The following KIAA1328 variants were observed in gnomAD, a reference collection of about 807,000 sequenced individuals.
The protein encoded by KIAA1328 is KIAA1328.
Under a neutral mutation model 68.1 loss-of-function variants are expected in KIAA1328, and 52 were observed. The observed-to-expected ratio is 0.76, with a 90% CI of 0.61 to 0.96. KIAA1328 has a LOEUF of 0.96. Ranked by LOEUF, KIAA1328 falls within the 40% of genes least tolerant of loss-of-function variation. The pLI, the probability that KIAA1328 is intolerant of heterozygous loss-of-function variation, is 0.00. For missense variants in KIAA1328, 641 were observed against 677.6 expected, an observed-to-expected ratio of 0.95 and a Z score of 0.60; for synonymous variants, 232 against 239.4, an observed-to-expected ratio of 0.97 and a Z score of 0.28.
rs558485321 is a variant in KIAA1328, at chr18:37,126,482, A to T, written c.1233-33718A>T. 2.0e-5 allele frequency among the ~76,000 whole-genome samples: 3 copies of T among 152,238 alleles called. No homozygotes were observed. In the East Asian group the frequency reaches 5.8e-4, roughly 29 times the overall value. On this transcript the variant is annotated intron_variant, in intron 7 of 9. Coordinates refer to ENST00000280020, the MANE Select transcript of KIAA1328 (RefSeq NM_020776.3). Reference sequence around the variant, plus strand: ...TTTAAAAAACCTTCCCCCAAAGAAAACTTAGGTCCTAGAAGGCTTAGGTCC... The same window carrying T: ...TTTAAAAAACCTTCCCCCAAAGAAATCTTAGGTCCTAGAAGGCTTAGGTCC...
At chr18:37,165,509 T>A (rs978616784) in intron 8 of KIAA1328, among the ~76,000 whole-genome samples, 7 of 151,430 alleles carry the variant, frequency 4.6e-5, no homozygotes, top group Non-Finnish European at 8.8e-5. Context: ...AGCCTCCACC[T>A]CCTAGGTTCA....
intron 1 of KIAA1328, among the ~76,000 whole-genome samples, chr18:36,832,473 C>T (rs1301310659): frequency 2.0e-5 from 3 of 151,314 alleles, no homozygotes; most frequent in African/African-American, 7.3e-5. Flanking sequence ...CCTGTAATCC[C>T]AGCTACTCGG....
At chr18:37,225,728 G>T (rs1369246823), downstream of KIAA1328, among the ~76,000 whole-genome samples, 1 of 152,198 alleles carries the variant, frequency 6.6e-6, no homozygotes, top group Non-Finnish European at 1.5e-5. Flanking sequence ...AAGAATGTAT[G>T]TGAGGGCTTC....
chr18:37,021,365 G>T (rs1168501386), intron 6 of KIAA1328, among the ~76,000 whole-genome samples: 1 of 152,086 alleles, frequency 6.6e-6, no homozygotes, highest in Non-Finnish European at 1.5e-5. Context: ...ACATTATTCT[G>T]TTCGATATTA....
rs965420460 is a variant in KIAA1328 at position 37,182,507 on chromosome 18, C to T, written c.1523+9426C>T. ...TAAGTAGGATAGTTTATGTAAAGTA[C>T]GTAGCACAGGCCTGGTGCATGGCTA... On this transcript the variant is annotated intron_variant, in intron 9 of 9. Coordinates refer to ENST00000280020, the MANE Select transcript of KIAA1328 (RefSeq NM_020776.3). Among the ~76,000 whole-genome samples the T allele has an allele frequency of 6.6e-5, 10 of 152,052 alleles. No individual in the cohort carries two copies. The South Asian group carries it at 1.2e-3, about 19-fold the overall frequency.
chr18:37,057,483 G>A (rs962193666), intron 6 of KIAA1328, among the ~76,000 whole-genome samples: 13 of 150,232 alleles, frequency 8.7e-5, no homozygotes, highest in South Asian at 2.1e-4. Flanking sequence ...GTTGGAGTGC[G>A]GTGGCGCGAT....
chr18:36,836,900 G>T (rs967671622), intron 3 of KIAA1328, among the ~76,000 whole-genome samples: 1 of 152,030 alleles, frequency 6.6e-6, no homozygotes. Context: ...GTGGCCTTTT[G>T]TGACTGGCTT....
At chr18:36,978,468 G>A (rs1489936048) in intron 6 of KIAA1328, among the ~76,000 whole-genome samples, 1 of 152,240 alleles carries the variant, frequency 6.6e-6, no homozygotes. Context: ...GGCCAACTGT[G>A]TAAGCAGGAC....
Position 37,222,069 on chromosome 18 carries a change from C to T in KIAA1328, c.1576C>T (p.Pro526Ser). Residue 526 changes from proline (P) to serine (S), a missense_variant, in exon 10 of 10, where the codon CCC becomes TCC. Transcript: ENST00000280020. The part of the protein sequence containing the change: ...LVQSLSPNSA[P>S]KPQRYPSREA... ...TCAGTCTCTGAGCCCAAACTCTGCG[C>T]CCAAACCTCAGCGCTATCCCTCCAG... is the stretch of plus-strand genomic sequence containing the variant. The T allele has an allele frequency of 6.2e-7, 1 of 1,613,680 alleles. No individual in the cohort carries two copies. Among genetic ancestry groups the T allele is most frequent in the Non-Finnish European group, 8.5e-7 (1 of 1,179,768 alleles).
At chr18:36,857,026 T>C (rs1453465163) in intron 4 of KIAA1328, among the ~76,000 whole-genome samples, 1 of 152,178 alleles carries the variant, frequency 6.6e-6, no homozygotes, top group Non-Finnish European at 1.5e-5. Context: ...TTGGCTCTAA[T>C]CTGATGTATT....
chr18:37,084,597 G>C lies in KIAA1328; in HGVS notation c.1232+17052G>C, dbSNP rs1391071115. ...ATTTTCTGATCTTATTAAATACTCTGTGAAAACATTAATTCATTCAACAAA... is the reference window on the plus strand; with the variant it reads ...ATTTTCTGATCTTATTAAATACTCTCTGAAAACATTAATTCATTCAACAAA... On this transcript the variant is annotated intron_variant, in intron 7 of 9. Coordinates refer to ENST00000280020, the MANE Select transcript of KIAA1328 (RefSeq NM_020776.3). Among the ~76,000 whole-genome samples the C allele has an allele frequency of 2.6e-4, 22 of 85,864 alleles. No homozygotes were observed. The African/African-American group carries it at 3.0e-3, about 12-fold the overall frequency. 56.3% of individuals were successfully genotyped at this position (85,864 alleles called of 152,430 possible). A position where few individuals can be genotyped will look rare whatever the true frequency, so the allele number is the denominator to read the frequency against.
At chr18:36,976,290 T>C (rs1019858431) in intron 6 of KIAA1328, among the ~76,000 whole-genome samples, 1 of 152,228 alleles carries the variant, frequency 6.6e-6, no homozygotes, top group Admixed American at 6.5e-5. Context: ...AATGAATATG[T>C]TGACTAAGGA....
chr18:36,844,417 G>C, intron 4 of KIAA1328, 115 bp downstream of exon 4: 1 of 597,504 alleles, frequency 1.7e-6, no homozygotes, highest in Middle Eastern at 3.1e-4. Flanking sequence ...TGGTAGCAAA[G>C]AGTTTTGGAA....
chr18:36,834,533 G>A (rs569101103), intron 2 of KIAA1328, among the ~76,000 whole-genome samples, 178 bp downstream of exon 2: 1 of 152,184 alleles, frequency 6.6e-6, no homozygotes, highest in Admixed American at 6.5e-5. Context: ...TTGAAATACT[G>A]GCTTATCTTT....
intron 3 of KIAA1328, among the ~76,000 whole-genome samples, chr18:36,841,071 C>T (rs567030735): frequency 6.6e-6 from 1 of 151,892 alleles, no homozygotes; most frequent in Non-Finnish European, 1.5e-5. Context: ...AGTGAGGAAC[C>T]CCAGAGCAAA....
chr18:36,916,613 C>A (rs111811640), intron 5 of KIAA1328, among the ~76,000 whole-genome samples: 2 of 152,110 alleles, frequency 1.3e-5, no homozygotes, highest in African/African-American at 4.8e-5. Flanking sequence ...AGTCATTGTC[C>A]TAAGCAATTT....
chr18:37,167,797 T>A (rs1315679389), intron 8 of KIAA1328, among the ~76,000 whole-genome samples: 1 of 152,162 alleles, frequency 6.6e-6, no homozygotes, highest in Non-Finnish European at 1.5e-5. Context: ...GTGCTTGTCC[T>A]CACCTTGGTC....
chr18:36,844,032 G>A (rs2046945463), intron 3 of KIAA1328, among the ~76,000 whole-genome samples, 176 bp from the exon 4 acceptor site: 1 of 152,066 alleles, frequency 6.6e-6, no homozygotes, highest in Admixed American at 6.6e-5. Flanking sequence ...AAGTGTCCTA[G>A]TGGACAGTCA....
rs181620248 is a variant in KIAA1328 at position 36,987,612 on chromosome 18, G to C, written c.576+28177G>C. On this transcript the variant is annotated intron_variant, in intron 6 of 9. Transcript: ENST00000280020. ...AAGTAATCTTCAATGATAGAAAGTAGATTAGTGCTTGCATAGTTGGACAGA... is the reference window on the plus strand; with the variant it reads ...AAGTAATCTTCAATGATAGAAAGTACATTAGTGCTTGCATAGTTGGACAGA... Among the ~76,000 whole-genome samples the C allele has an allele frequency of 2.0e-5, 3 of 152,202 alleles. No homozygotes were observed. The East Asian group carries it at 5.8e-4, about 29-fold the overall frequency.
Sources: gnomAD v4.1 joint callset for allele counts (sites outside exome capture counted in the v4.1 genomes callset) on GRCh38, gnomAD v4.1.1 for gene constraint, MANE v1.5 for transcripts, NCBI Gene and HGNC (gene_info 2026-07-23, HGNC 2026-07-21) for gene names.